The following DNAI4 variants were observed in gnomAD, a reference collection of about 807,000 sequenced individuals.
DNAI4 encodes dynein axonemal intermediate chain 4.
DNAI4 carries 85 observed loss-of-function variants against 105.8 expected under a neutral mutation model. The ratio of observed to expected loss-of-function variants is 0.80; its 90% CI spans 0.67 to 0.96. The LOEUF is 0.96. Among genes scored for constraint, DNAI4 ranks in the 40% least tolerant of loss-of-function variants. The pLI, the probability that DNAI4 is intolerant of heterozygous loss-of-function variation, is 0.00. For synonymous variants in DNAI4, 352 were observed against 331.5 expected, an observed-to-expected ratio of 1.06 and a Z score of -0.67; for missense variants, 1,014 against 1,005.6, an observed-to-expected ratio of 1.01 and a Z score of -0.11.
intron 4 of DNAI4, among the ~76,000 whole-genome samples, chr1:66,884,371 T>G (rs1279018777): frequency 6.6e-6 from 1 of 152,190 alleles, no homozygotes; most frequent in Middle Eastern, 3.2e-3. Context: ...GGTAATTCTA[T>G]TTTTAGTTTG....
At chr1:66,839,678 T>C (rs1222465313) in intron 9 of DNAI4, among the ~76,000 whole-genome samples, 6 of 152,226 alleles carry the variant, frequency 3.9e-5, no homozygotes, top group Non-Finnish European at 5.9e-5. Flanking sequence ...AGAAAATTAG[T>C]CTAATTACTC....
intron 10 of DNAI4, 192 bp downstream of exon 10, chr1:66,837,518 A>T (rs1214710576): frequency 9.2e-6 from 6 of 652,778 alleles, no homozygotes; most frequent in Admixed American, 6.8e-5. Context: ...TTACTGAATG[A>T]ATTAATAAAT....
At chr1:66,840,722 C>G (rs1403998999) in intron 8 of DNAI4, 51 bp from the exon 9 acceptor site, 15 of 1,579,680 alleles carry the variant, frequency 9.5e-6, no homozygotes, top group Non-Finnish European at 1.2e-5. Context: ...CTATAGGGAC[C>G]TGCCAAAGGC....
Position 66,847,592 on chromosome 1 carries a change from A to G in DNAI4, c.1183T>C (p.Leu395=), listed in dbSNP as rs1646305034. Residue 395 remains leucine, a synonymous_variant, in exon 8 of 17, where the codon TTA becomes CTA. Transcript: ENST00000371026. ...EDEEDHSDAI[L]KSDKFHQDLF... Reference sequence around the variant, plus strand: ...TCCTGATGAAATTTGTCAGATTTTAATATTGCATCTGAGTGGTCTTCCTCA... The same window carrying G: ...TCCTGATGAAATTTGTCAGATTTTAGTATTGCATCTGAGTGGTCTTCCTCA... The G allele has an allele frequency of 1.2e-6, 2 of 1,613,876 alleles. No homozygotes were observed. Among genetic ancestry groups the G allele is most frequent in the East Asian group, 4.5e-5 (2 of 44,878 alleles).
intron 14 of DNAI4, among the ~76,000 whole-genome samples, chr1:66,827,543 A>G (rs982846843): frequency 1.3e-5 from 2 of 152,160 alleles, no homozygotes; most frequent in African/African-American, 4.8e-5. Context: ...GTGAAAGACA[A>G]TTTTACTTTA....
At chr1:66,922,118 C>T (rs1650533283) in intron 1 of DNAI4, among the ~76,000 whole-genome samples, 1 of 151,940 alleles carries the variant, frequency 6.6e-6, no homozygotes, top group Non-Finnish European at 1.5e-5. Context: ...TGTGGACTCC[C>T]AAGCTCAAGT....
At chr1:66,836,135 G>GAA (rs1458822905) in intron 10 of DNAI4, among the ~76,000 whole-genome samples, 5 of 112,832 alleles carry the variant, frequency 4.4e-5, no homozygotes, top group African/African-American at 1.7e-4. Context: ...CAGAAAGAAA[G>GAA]AAAGAAAAGA....
Position 66,837,792 on chromosome 1 carries a change from AG to A in DNAI4, c.1498del (p.Leu500PhefsTer24). 6.3e-7 allele frequency: 1 copy of A among 1,598,510 alleles called. No homozygotes were observed. The highest frequency in any genetic ancestry group is 8.5e-7 in the Non-Finnish European group (1 of 1,175,940). On this transcript the variant is annotated frameshift_variant, in exon 10 of 17. Transcript: ENST00000371026. LOFTEE classifies it high-confidence loss of function. ...AAAGTGCCCATAGCCAACAGCCAAAAGATCCTGAAAACCAGAAAAATACATT... is the reference window on the plus strand; with the variant it reads ...AAAGTGCCCATAGCCAACAGCCAAAAATCCTGAAAACCAGAAAAATACATT... Reference protein sequence around the residue: ...SLAWNKTNPDLLAVGYGHFGF... With the variant: ...SLAWNKTNPDXLAVGYGHFGF...
At chr1:66,911,253 T>A (rs183627311) in intron 1 of DNAI4, among the ~76,000 whole-genome samples, 4 of 152,322 alleles carry the variant, frequency 2.6e-5, no homozygotes, top group South Asian at 4.1e-4. Context: ...GGATACAGAT[T>A]AAAAGATGCA....
At chr1:66,864,658 T>C (rs1309271380) in intron 6 of DNAI4, among the ~76,000 whole-genome samples, 2 of 152,126 alleles carry the variant, frequency 1.3e-5, no homozygotes, top group Non-Finnish European at 2.9e-5. Context: ...GAGACCATCC[T>C]GGCCAACATG....
intron 1 of DNAI4, among the ~76,000 whole-genome samples, chr1:66,907,936 T>G (rs1024224291): frequency 6.6e-6 from 1 of 152,232 alleles, no homozygotes; most frequent in Non-Finnish European, 1.5e-5. Flanking sequence ...CTTCAGGCCC[T>G]TGATTCTACC....
intron 1 of DNAI4, among the ~76,000 whole-genome samples, chr1:66,911,477 GA>G (rs1649653643): frequency 6.6e-6 from 1 of 152,112 alleles, no homozygotes; most frequent in Admixed American, 6.5e-5. Context: ...TTTGGTTGGT[GA>G]GGCTGAAGGT....
chr1:66,897,930 C>T (rs1170661776), intron 2 of DNAI4, among the ~76,000 whole-genome samples: 3 of 152,094 alleles, frequency 2.0e-5, no homozygotes, highest in African/African-American at 7.2e-5. Context: ...AGGATTGCCA[C>T]AGGACCCCAG....
chr1:66,851,020 C>T (rs1043447147), intron 7 of DNAI4, among the ~76,000 whole-genome samples: 22 of 151,640 alleles, frequency 1.5e-4, no homozygotes, highest in African/African-American at 5.1e-4. Flanking sequence ...TACAAATGGT[C>T]TACATATACC....
Position 66,833,719 on chromosome 1 carries a change from A to C in DNAI4, c.1892-13T>G. The stretch of plus-strand genomic sequence containing the variant: ...AATCGCATCAAATCTGTATTTAAAG[A>C]AAAACATATATAACTTGTTATTTAC... On this transcript the variant is annotated splice_polypyrimidine_tract_variant and intron_variant, in intron 12 of 16. Coordinates refer to ENST00000371026, the MANE Select transcript of DNAI4 (RefSeq NM_024763.5). 6.2e-7 allele frequency: 1 copy of C among 1,609,666 alleles called. No homozygotes were observed. The highest frequency in any genetic ancestry group is 8.5e-7 in the Non-Finnish European group (1 of 1,178,386).
At chr1:66,899,286 T>C (rs1314086125) in intron 2 of DNAI4, among the ~76,000 whole-genome samples, 1 of 152,188 alleles carries the variant, frequency 6.6e-6, no homozygotes, top group African/African-American at 2.4e-5. Context: ...ATTCTAGCCA[T>C]CTTAGTGGGT....
intron 9 of DNAI4, among the ~76,000 whole-genome samples, chr1:66,838,927 A>G (rs1001910802): frequency 3.3e-5 from 5 of 152,206 alleles, no homozygotes; most frequent in African/African-American, 7.2e-5. Flanking sequence ...CTGTATCTCT[A>G]GCGCCTTAAC....
intron 1 of DNAI4, among the ~76,000 whole-genome samples, chr1:66,922,433 T>C (rs1650559194): frequency 1.3e-5 from 2 of 152,164 alleles, no homozygotes; most frequent in South Asian, 4.1e-4. Flanking sequence ...GTCTGATGTG[T>C]TGTGGGACAA....
At chr1:66,904,934 T>C (rs1489076103) in intron 2 of DNAI4, 2 of 382,262 alleles carry the variant, frequency 5.2e-6, no homozygotes, top group Non-Finnish European at 9.2e-6. Context: ...TTGTAATGTA[T>C]ATAATTAATA....
Sources: allele counts gnomAD v4.1 joint callset (sites outside exome capture counted in the v4.1 genomes callset), GRCh38; gene constraint gnomAD v4.1.1; transcripts MANE v1.5; gene names NCBI Gene and HGNC (gene_info 2026-07-23, HGNC 2026-07-21).